Variants in AKR1B1 observed in about 807,000 individuals in gnomAD.
The protein encoded by AKR1B1 is aldo-keto reductase family 1 member B.
AKR1B1 carries 22 observed loss-of-function variants against 40.4 expected under a neutral mutation model. The observed-to-expected ratio is 0.54, with a 90% CI of 0.39 to 0.78. AKR1B1 has a LOEUF of 0.78. Among genes scored for constraint, AKR1B1 ranks in the 30% least tolerant of loss-of-function variants. The pLI is 0.00. For missense variants in AKR1B1, 357 were observed against 396.7 expected, an observed-to-expected ratio of 0.90 and a Z score of 0.85; for synonymous variants, 157 against 149.9, an observed-to-expected ratio of 1.05 and a Z score of -0.35.
intron 9 of AKR1B1, among the ~76,000 whole-genome samples, chr7:134,443,282 G>C (rs1294010196): frequency 6.6e-6 from 1 of 152,128 alleles, no homozygotes; most frequent in African/African-American, 2.4e-5. Flanking sequence ...GCATGGTGGT[G>C]CATGCCCATG....
At chr7:134,447,167 G>T in intron 8 of AKR1B1, 131 bp downstream of exon 8, 3 of 881,600 alleles carry the variant, frequency 3.4e-6, no homozygotes, top group Non-Finnish European at 5.5e-6. Context: ...TGGCTTGCTC[G>T]CCACAGCTCC....
In AKR1B1 at chr7:134,442,761, G is replaced by C; in HGVS notation, c.918C>G (p.Ser306=). 6.2e-7 allele frequency: 1 copy of C among 1,614,116 alleles called. No individual in the cohort carries two copies. Among genetic ancestry groups the C allele is most frequent in the Non-Finnish European group, 8.5e-7 (1 of 1,179,972 alleles). The stretch of plus-strand genomic sequence containing the variant: ...CTTCATGGAAGGGGTAATCCTTGTG[G>C]GAGGTACAGCTGTCAGGAGAAAGGA... The part of the protein sequence containing the change: ...WRVCALLSCT[S]HKDYPFHEEF The change falls in exon 10 of 10, where the codon TCC becomes TCG. Residue 306 remains serine (S), a synonymous_variant. Coordinates refer to ENST00000285930, the MANE Select transcript of AKR1B1 (RefSeq NM_001628.4).
At chr7:134,449,927 A>G (rs895618723) in intron 3 of AKR1B1, 130 bp from the exon 4 acceptor site, 13 of 798,200 alleles carry the variant, frequency 1.6e-5, no homozygotes, top group Admixed American at 1.1e-4. Flanking sequence ...GTGTGCCACT[A>G]TGAAAAGGAA....
intron 9 of AKR1B1, chr7:134,444,973 T>G: frequency 1.7e-6 from 1 of 572,818 alleles, no homozygotes; most frequent in South Asian, 2.1e-5. Flanking sequence ...AAAAATTGAA[T>G]GGAAAGCCAA....
Position 134,457,808 on chromosome 7 carries a change from C to A in AKR1B1, c.66+1189G>T, listed in dbSNP as rs1331247288. Reference sequence around the variant, plus strand: ...TTGAGCCCAGGAATTGGAGATCACCCTAAGCAACAAGCGGAGACTGTCTCT... The same window carrying A: ...TTGAGCCCAGGAATTGGAGATCACCATAAGCAACAAGCGGAGACTGTCTCT... On this transcript the variant is annotated intron_variant, in intron 1 of 9. Transcript: ENST00000285930. Among the ~76,000 whole-genome samples the A allele has an allele frequency of 2.6e-5, 4 of 152,160 alleles. No homozygotes were observed. The East Asian group carries it at 5.8e-4, about 22-fold the overall frequency.
At position 134,448,013 on chromosome 7, in the gene AKR1B1, C is replaced by T. The variant is rs148628777; in HGVS notation, c.708G>A (p.Ala236=). 58 of 1,613,286 alleles carry T rather than the reference C, an allele frequency of 3.6e-5. No homozygotes were observed. The African/African-American group carries it at 4.8e-4, about 13-fold the overall frequency. Residue 236 remains alanine, a synonymous_variant, in exon 7 of 10, where the codon GCG becomes GCA. Coordinates refer to ENST00000285930, the MANE Select transcript of AKR1B1 (RefSeq NM_001628.4). ...TAGTTTTATTGTGCTTGGCTGCGATCGCCTTGATCCTGGGATCCTCCAGGA... is the reference window on the plus strand; with the variant it reads ...TAGTTTTATTGTGCTTGGCTGCGATTGCCTTGATCCTGGGATCCTCCAGGA... ...PSLLEDPRIK[A]IAAKHNKTTA... is the part of the protein sequence containing the mutation.
chr7:134,452,641 T>A (rs11971263), intron 1 of AKR1B1, among the ~76,000 whole-genome samples: 6,350 of 152,264 alleles, frequency 0.042, 278 homozygotes, highest in East Asian at 0.14. Context: ...ACTTTCACTA[T>A]CCTGCTATGA....
rs1040236478 is a variant in AKR1B1 at position 134,442,486 on chromosome 7, G to C, written c.*242C>G. The C allele has an allele frequency of 4.2e-6, 2 of 474,742 alleles. No individual in the cohort carries two copies. The highest frequency in any genetic ancestry group is 3.9e-5 in the African/African-American group (2 of 51,374). 29.4% of individuals were successfully genotyped at this position (474,742 alleles called of 1,614,324 possible). A position where few individuals can be genotyped will look rare whatever the true frequency, so the allele number is the denominator to read the frequency against. ...ATTTTGCTTCTCTTTGGTCAGAAAAGGGTATTCAGGTTGTACTTTCCCCAG... is the reference window on the plus strand; with the variant it reads ...ATTTTGCTTCTCTTTGGTCAGAAAACGGTATTCAGGTTGTACTTTCCCCAG... On this transcript the variant is annotated 3_prime_UTR_variant, in exon 10 of 10. Coordinates refer to ENST00000285930, the MANE Select transcript of AKR1B1 (RefSeq NM_001628.4).
At chr7:134,456,153 C>T (rs1015046027) in intron 1 of AKR1B1, among the ~76,000 whole-genome samples, 6 of 152,178 alleles carry the variant, frequency 3.9e-5, no homozygotes, top group Middle Eastern at 3.2e-3. Flanking sequence ...CATCTTCTGT[C>T]GAGCATCTGT....
rs1806156802 is a variant in AKR1B1 at position 134,448,022 on chromosome 7, C to T, written c.699G>A (p.Arg233=). Residue 233 remains arginine (R), a synonymous_variant, in exon 7 of 10, where the codon AGG becomes AGA. Coordinates refer to ENST00000285930, the MANE Select transcript of AKR1B1 (RefSeq NM_001628.4). ...TGTGCTTGGCTGCGATCGCCTTGAT[C>T]CTGGGATCCTCCAGGAGAGAAGGGT... is the stretch of plus-strand genomic sequence containing the variant. ...PEDPSLLEDP[R]IKAIAAKHNK... is the part of the protein sequence containing the mutation. The T allele has an allele frequency of 6.2e-7, 1 of 1,613,276 alleles. No homozygotes were observed. The highest frequency in any genetic ancestry group is 8.5e-7 in the Non-Finnish European group (1 of 1,179,874).
rs1388883173 is a variant in AKR1B1 at position 134,459,017 on chromosome 7, G to A, written c.46C>T (p.Leu16=). The change falls in exon 1 of 10, where the codon CTG becomes TTG. Residue 16 remains leucine, a synonymous_variant. Coordinates refer to ENST00000285930, the MANE Select transcript of AKR1B1 (RefSeq NM_001628.4). ...LLNNGAKMPI[L]GLGTWKSPPG... is the part of the protein sequence containing the mutation. ...CCTACCTTCCAGGTACCCAACCCCA[G>A]GATGGGCATCTTGGCGCCGTTGTTG... 3 of 1,608,760 alleles carry A rather than the reference G, an allele frequency of 1.9e-6. No homozygotes were observed. Among genetic ancestry groups the A allele is most frequent in the Non-Finnish European group, 2.5e-6 (3 of 1,178,092 alleles).
intron 9 of AKR1B1, among the ~76,000 whole-genome samples, chr7:134,443,821 A>T (rs1232549115): frequency 1.3e-5 from 2 of 152,160 alleles, no homozygotes; most frequent in Non-Finnish European, 2.9e-5. Flanking sequence ...TGACACTGAC[A>T]TCAGCAGGTC....
intron 9 of AKR1B1, among the ~76,000 whole-genome samples, chr7:134,444,499 G>T (rs866912364): frequency 1.3e-5 from 2 of 152,270 alleles, no homozygotes; most frequent in Non-Finnish European, 2.9e-5. Flanking sequence ...TTGCTTAGAA[G>T]AGGAAGTACT....
At chr7:134,453,281 A>G (rs1806350069) in intron 1 of AKR1B1, among the ~76,000 whole-genome samples, 3 of 152,204 alleles carry the variant, frequency 2.0e-5, no homozygotes, top group African/African-American at 7.2e-5. Flanking sequence ...ACTGCCTGCC[A>G]TGCAACTGGT....
chr7:134,442,911 T>C (rs1805982359), intron 9 of AKR1B1, 141 bp from the exon 10 acceptor site: 6 of 808,468 alleles, frequency 7.4e-6, no homozygotes, highest in Admixed American at 4.1e-5. Flanking sequence ...AGTGTGCAGA[T>C]GATGGTTCTG....
At position 134,449,233 on chromosome 7, in the gene AKR1B1, T is replaced by C. The variant is rs184881277; in HGVS notation, c.430-114A>G. ...CCCTCACTCTTCAGTGCCAGTGAATTAGACCTTTCAGAAGCTAAGAGACAG... is the reference window on the plus strand; with the variant it reads ...CCCTCACTCTTCAGTGCCAGTGAATCAGACCTTTCAGAAGCTAAGAGACAG... On this transcript the variant is annotated intron_variant, in intron 4 of 9. Coordinates refer to ENST00000285930, the MANE Select transcript of AKR1B1 (RefSeq NM_001628.4). 7.8e-5 allele frequency: 112 copies of C among 1,438,950 alleles called. No homozygotes were observed. In the African/African-American group the frequency reaches 1.3e-3, roughly 16 times the overall value. The allele number at this position is 1,438,950 out of a possible 1,614,324, so 89.1% of individuals were successfully genotyped here.
At chr7:134,448,910 G>A in intron 5 of AKR1B1, 87 bp downstream of exon 5, 5 of 1,566,926 alleles carry the variant, frequency 3.2e-6, no homozygotes, top group Non-Finnish European at 4.4e-6. Context: ...CTGGCCACTT[G>A]CTGGGTGAGG....
chr7:134,442,815 T>C, intron 9 of AKR1B1, 45 bp from the exon 10 acceptor site: 1 of 1,578,154 alleles, frequency 6.3e-7, no homozygotes, highest in Non-Finnish European at 8.7e-7. Context: ...AAGAGGTGAT[T>C]TTGACTATAC....
rs1379579977 is a variant in AKR1B1, at chr7:134,459,035, C to G, written c.28G>C (p.Gly10Arg). 6.2e-7 allele frequency: 1 copy of G among 1,608,516 alleles called. No homozygotes were observed. The highest frequency in any genetic ancestry group is 1.7e-5 in the Admixed American group (1 of 59,520). The change falls in exon 1 of 10, where the codon GGC becomes CGC. Residue 10 changes from glycine (G) to arginine (R), a missense_variant. Coordinates refer to ENST00000285930, the MANE Select transcript of AKR1B1 (RefSeq NM_001628.4). MASRLLLNN[G>R]AKMPILGLGT... is the part of the protein sequence containing the mutation. ...AACCCCAGGATGGGCATCTTGGCGCCGTTGTTGAGCAGGAGACGGCTTGCC... is the reference window on the plus strand; with the variant it reads ...AACCCCAGGATGGGCATCTTGGCGCGGTTGTTGAGCAGGAGACGGCTTGCC...
Sources: gnomAD v4.1 joint callset for allele counts (sites outside exome capture counted in the v4.1 genomes callset) on GRCh38, gnomAD v4.1.1 for gene constraint, MANE v1.5 for transcripts, NCBI Gene and HGNC (gene_info 2026-07-23, HGNC 2026-07-21) for gene names.